FBXL17: variants seen among roughly 807,000 people sequenced by gnomAD.
FBXL17 encodes the protein F-box/LRR-repeat protein 17.
In FBXL17, 22 loss-of-function variants were observed where a neutral mutation model predicts 66.2. The observed-to-expected ratio is 0.33, with a 90% CI of 0.24 to 0.47. The LOEUF (loss-of-function observed/expected upper bound fraction) is 0.47, where lower values mean the gene tolerates loss of function less well. FBXL17 is among the 20% of genes least tolerant of loss of function. The pLI is 1.00. For missense variants in FBXL17, 878 were observed against 948.2 expected, an observed-to-expected ratio of 0.93 and a Z score of 0.97; for synonymous variants, 474 against 400.5, an observed-to-expected ratio of 1.18 and a Z score of -2.19.
intron 4 of FBXL17, among the ~76,000 whole-genome samples, chr5:108,345,342 GAA>G (rs566110137): frequency 7.2e-6 from 1 of 138,242 alleles, no homozygotes; most frequent in African/African-American, 2.7e-5. Flanking sequence ...ATCTCAAAAA[GAA>G]AAAAAAAAGA....
chr5:108,356,549 T>G (rs937462406), intron 3 of FBXL17, among the ~76,000 whole-genome samples: 1 of 152,060 alleles, frequency 6.6e-6, no homozygotes, highest in Non-Finnish European at 1.5e-5. Flanking sequence ...TGCATACTAC[T>G]AAGTGAAGGA....
chr5:108,157,182 G>GAA (rs35070095), intron 6 of FBXL17, among the ~76,000 whole-genome samples: 87 of 91,190 alleles, frequency 9.5e-4, no homozygotes, highest in African/African-American at 2.9e-3. Context: ...GAACAAACTG[G>GAA]AAAAAAAAAA....
intron 8 of FBXL17, chr5:107,878,974 G>A: frequency 1.0e-6 from 1 of 985,442 alleles, no homozygotes; most frequent in Non-Finnish European, 1.2e-6. Context: ...CAGGAAAAGG[G>A]CTAAAACCCT....
intron 4 of FBXL17, among the ~76,000 whole-genome samples, chr5:108,315,984 G>C (rs1350780011): frequency 6.6e-6 from 1 of 151,360 alleles, no homozygotes; most frequent in African/African-American, 2.4e-5. Flanking sequence ...CTAAAATGCT[G>C]CCCTGCAAAT....
At chr5:108,356,032 G>A (rs977878804) in intron 3 of FBXL17, among the ~76,000 whole-genome samples, 1 of 152,074 alleles carries the variant, frequency 6.6e-6, no homozygotes, top group Non-Finnish European at 1.5e-5. Context: ...AAAGTAAATG[G>A]ATGAAGAAAG....
chr5:108,063,852 AT>A (rs1184218587), intron 6 of FBXL17, among the ~76,000 whole-genome samples: 3 of 152,110 alleles, frequency 2.0e-5, no homozygotes, highest in Non-Finnish European at 4.4e-5. Context: ...AACAACAGTG[AT>A]TTAAAAAAAA....
intron 6 of FBXL17, among the ~76,000 whole-genome samples, chr5:108,068,087 A>G (rs544655776): frequency 1.3e-5 from 2 of 152,270 alleles, no homozygotes; most frequent in South Asian, 4.1e-4. Context: ...ATTCACTCAT[A>G]CTTTCAGATA....
intron 5 of FBXL17, among the ~76,000 whole-genome samples, chr5:108,197,842 C>T (rs528648519): frequency 1.4e-4 from 22 of 152,268 alleles, no homozygotes; most frequent in African/African-American, 4.6e-4. Context: ...CAGTATGCAA[C>T]TGGGACTCAC....
At chr5:108,052,606 G>C (rs1224711844) in intron 6 of FBXL17, among the ~76,000 whole-genome samples, 1 of 152,148 alleles carries the variant, frequency 6.6e-6, no homozygotes, top group African/African-American at 2.4e-5. Context: ...TCAATATCAT[G>C]AAGTGGCCAT....
At chr5:108,105,605 G>C (rs1173623468) in intron 6 of FBXL17, among the ~76,000 whole-genome samples, 1 of 152,144 alleles carries the variant, frequency 6.6e-6, no homozygotes, top group Non-Finnish European at 1.5e-5. Flanking sequence ...AAAAGAAAAA[G>C]AGCCATATAG....
chr5:107,874,120 G>T (rs897668738), intron 8 of FBXL17, among the ~76,000 whole-genome samples: 16 of 152,052 alleles, frequency 1.1e-4, no homozygotes, highest in Non-Finnish European at 1.9e-4. Flanking sequence ...ACTTCTACCG[G>T]TTCCAGGTTT....
intron 4 of FBXL17, among the ~76,000 whole-genome samples, chr5:108,314,871 G>C (rs1759288495): frequency 6.6e-6 from 1 of 151,234 alleles, no homozygotes; most frequent in Admixed American, 6.6e-5. Flanking sequence ...GTTAAGACAG[G>C]TATCATAATA....
chr5:108,107,049 C>T (rs1410173476), intron 6 of FBXL17, among the ~76,000 whole-genome samples: 1 of 152,010 alleles, frequency 6.6e-6, no homozygotes, highest in Admixed American at 6.6e-5. Flanking sequence ...TGTAAAATTT[C>T]CTCCTTAAAA....
intron 7 of FBXL17, among the ~76,000 whole-genome samples, chr5:108,001,482 G>A (rs1753725317): frequency 6.6e-6 from 1 of 152,030 alleles, no homozygotes; most frequent in Admixed American, 6.6e-5. Context: ...AATGCAGAAG[G>A]AAAATTAGTT....
intron 7 of FBXL17, among the ~76,000 whole-genome samples, chr5:107,943,768 C>G (rs1320962734): frequency 6.6e-6 from 1 of 152,090 alleles, no homozygotes; most frequent in Admixed American, 6.6e-5. Context: ...CTGTACAGTC[C>G]ATAAAACCTG....
chr5:108,079,029 T>C (rs886175252), intron 6 of FBXL17, among the ~76,000 whole-genome samples: 1 of 152,144 alleles, frequency 6.6e-6, no homozygotes, highest in Non-Finnish European at 1.5e-5. Context: ...TTTTTTTCCC[T>C]GTAGAGACAG....
At chr5:107,979,408 A>G (rs1752716872) in intron 7 of FBXL17, among the ~76,000 whole-genome samples, 1 of 152,228 alleles carries the variant, frequency 6.6e-6, no homozygotes. Flanking sequence ...AAGGGAATCC[A>G]TGGTAACCAC....
Position 108,104,735 on chromosome 5 carries a change from T to C in FBXL17, c.1745+81382A>G, listed in dbSNP as rs572456063. On this transcript the variant is annotated intron_variant, in intron 6 of 8. Coordinates refer to ENST00000542267, the MANE Select transcript of FBXL17 (RefSeq NM_001163315.3). ...CAAAGCAAGTGCACAACAACATATA[T>C]GGGATATTCTCATTTTGTCAAAAAT... 1.5e-3 allele frequency among the ~76,000 whole-genome samples: 235 copies of C among 152,318 alleles called. 1 individual carries two copies. The highest frequency in any genetic ancestry group is 2.5e-3 in the Non-Finnish European group (167 of 68,022).
intron 7 of FBXL17, among the ~76,000 whole-genome samples, chr5:108,008,283 T>C (rs966145541): frequency 2.6e-5 from 4 of 152,216 alleles, no homozygotes; most frequent in Non-Finnish European, 5.9e-5. Context: ...TTCCAATTTA[T>C]AATTTTTTTG....
Sources: gnomAD v4.1 joint callset for allele counts (sites outside exome capture counted in the v4.1 genomes callset) on GRCh38, gnomAD v4.1.1 for gene constraint, MANE v1.5 for transcripts, NCBI Gene and HGNC (gene_info 2026-07-23, HGNC 2026-07-21) for gene names.